Variants in CUX1 observed in about 807,000 individuals in gnomAD.
The protein encoded by CUX1 is protein CASP.
A neutral mutation model predicts 158.8 loss-of-function variants in CUX1; 31 were observed. The observed-to-expected ratio is 0.20, with a 90% confidence interval of 0.15 to 0.26. The LOEUF is 0.26. Among genes scored for constraint, CUX1 ranks in the 10% least tolerant of loss-of-function variants. The pLI is 1.00. For synonymous variants in CUX1, 879 were observed against 862.1 expected (o/e 1.02, Z -0.34); for missense variants, 1,589 against 2,014.6 (o/e 0.79, Z 4.04).
chr7:102,080,554 C>T (rs530427505), intron 4 of CUX1, among the ~76,000 whole-genome samples: 2 of 152,176 alleles, frequency 1.3e-5, no homozygotes. Context: ...GCCCCCATCG[C>T]CCGCAGAGCG....
intron 11 of CUX1, among the ~76,000 whole-genome samples, chr7:102,178,919 C>T (rs543275978): frequency 3.1e-4 from 47 of 152,312 alleles, no homozygotes; most frequent in Non-Finnish European, 6.0e-4. Flanking sequence ...GGCTAGAGCA[C>T]GGTGGTGCAA....
intron 8 of CUX1, among the ~76,000 whole-genome samples, chr7:102,128,446 G>C (rs1368190376): frequency 6.6e-6 from 1 of 151,116 alleles, no homozygotes; most frequent in Non-Finnish European, 1.5e-5. Context: ...TCAGCCTCTT[G>C]CACTTTCTTG....
At chr7:102,084,999 G>A (rs537908345) in intron 4 of CUX1, among the ~76,000 whole-genome samples, 1 of 150,404 alleles carries the variant, frequency 6.6e-6, no homozygotes, top group East Asian at 2.0e-4. Context: ...AATATCAACT[G>A]TAGATTTTTT....
chr7:101,840,714 T>G (rs1363817048), intron 1 of CUX1, among the ~76,000 whole-genome samples: 1 of 152,178 alleles, frequency 6.6e-6, no homozygotes, highest in East Asian at 1.9e-4. Flanking sequence ...ATGAAATGGG[T>G]AAACATTGTG....
At chr7:102,113,399 G>A (rs566786899) in intron 7 of CUX1, among the ~76,000 whole-genome samples, 6 of 150,420 alleles carry the variant, frequency 4.0e-5, no homozygotes, top group Non-Finnish European at 7.4e-5. Context: ...AGTAGCTGGC[G>A]TTACAGGCGC....
In CUX1 at chr7:102,143,885, C is replaced by G. The variant is rs944929067; in HGVS notation, c.675-14675C>G. On this transcript the variant is annotated intron_variant, in intron 8 of 23. Transcript: ENST00000292535. ...GTAGCCTCCACCTCCTGGGTTCAAG[C>G]CATCCTCCTGTCTCAGCCTCCCGAG... Among the ~76,000 whole-genome samples, 78 of 152,256 alleles carry G rather than the reference C, an allele frequency of 5.1e-4. 1 individual carries two copies. Among genetic ancestry groups the G allele is most frequent in the African/African-American group, 1.8e-3 (75 of 41,554 alleles).
chr7:101,859,626 G>T (rs933016504), intron 1 of CUX1, among the ~76,000 whole-genome samples: 1 of 151,812 alleles, frequency 6.6e-6, no homozygotes, highest in Admixed American at 6.6e-5. Flanking sequence ...ACCGTTTTTT[G>T]CCAGAATGCT....
intron 14 of CUX1, among the ~76,000 whole-genome samples, chr7:102,270,051 C>G (rs1356803146): frequency 1.3e-5 from 2 of 152,360 alleles, no homozygotes; most frequent in African/African-American, 4.8e-5. Flanking sequence ...GTCCACAGCT[C>G]TCTCTCCAGC....
intron 8 of CUX1, among the ~76,000 whole-genome samples, chr7:102,153,118 C>G (rs758011882): frequency 6.6e-6 from 1 of 152,162 alleles, no homozygotes; most frequent in Non-Finnish European, 1.5e-5. Context: ...GGAGATGAGG[C>G]GTGGTTTTCC....
intron 20 of CUX1, among the ~76,000 whole-genome samples, chr7:102,216,629 A>AC (rs1245899579): frequency 1.3e-5 from 1 of 79,056 alleles, no homozygotes. Context: ...CCACACACAC[A>AC]CCCCCACACA....
At chr7:102,119,256 G>T (rs1277660029) in intron 8 of CUX1, among the ~76,000 whole-genome samples, 1 of 149,240 alleles carries the variant, frequency 6.7e-6, no homozygotes, top group African/African-American at 2.5e-5. Flanking sequence ...TTGTCTGTCT[G>T]TCGTGGGGAG....
rs1050869664 is a variant in CUX1 at position 102,249,965 on chromosome 7, T to C, written c.*923T>C. 3 of 985,218 alleles carry C rather than the reference T, an allele frequency of 3.0e-6. No individual in the cohort carries two copies. The highest frequency in any genetic ancestry group is 1.8e-5 in the African/African-American group (1 of 57,030). The allele number at this position is 985,218 out of a possible 1,614,324, so 61.0% of individuals were successfully genotyped here. A position where few individuals can be genotyped will look rare whatever the true frequency, so the allele number is the denominator to read the frequency against. ...TAGAATCCTGACATGTAGTGCACAT[T>C]GATGTATAGCTTTAACTGACCCTGG... On this transcript the variant is annotated 3_prime_UTR_variant, in exon 24 of 24. Coordinates refer to ENST00000292535, the MANE Select transcript of CUX1 (RefSeq NM_181552.4).
At chr7:102,189,267 GTCC>G (rs1389980227) in intron 11 of CUX1, among the ~76,000 whole-genome samples, 1 of 149,840 alleles carries the variant, frequency 6.7e-6, no homozygotes. Context: ...CTCTCCTCCT[GTCC>G]TCCTGTTTGC....
At chr7:102,151,191 C>T (rs190766695) in intron 8 of CUX1, among the ~76,000 whole-genome samples, 61 of 152,198 alleles carry the variant, frequency 4.0e-4, no homozygotes, top group Admixed American at 3.5e-3. Flanking sequence ...TTATTGCAGA[C>T]AGTTTGTCAG....
At chr7:102,101,572 G>A (rs782704789) in intron 5 of CUX1, among the ~76,000 whole-genome samples, 7 of 152,194 alleles carry the variant, frequency 4.6e-5, no homozygotes, top group Non-Finnish European at 7.4e-5. Context: ...TGGAGCAAGC[G>A]TTAGCGTCCA....
intron 1 of CUX1, among the ~76,000 whole-genome samples, chr7:101,901,369 C>T (rs1802120482): frequency 6.6e-6 from 1 of 152,138 alleles, no homozygotes. Flanking sequence ...ACTTGGTTCA[C>T]TGCAACCTCC....
At chr7:102,231,292 A>T (rs1798958737) in intron 21 of CUX1, among the ~76,000 whole-genome samples, 1 of 151,272 alleles carries the variant, frequency 6.6e-6, no homozygotes, top group South Asian at 2.1e-4. Flanking sequence ...AACCTCCCAA[A>T]GTGCTGGGAT....
chr7:101,993,661 A>T (rs1042319009), intron 2 of CUX1, among the ~76,000 whole-genome samples: 10 of 152,206 alleles, frequency 6.6e-5, no homozygotes, highest in Admixed American at 2.0e-4. Context: ...CGGCCTAGCT[A>T]TGTGGCCCCC....
chr7:102,042,494 A>G (rs1029327794), intron 3 of CUX1, among the ~76,000 whole-genome samples: 1 of 152,198 alleles, frequency 6.6e-6, no homozygotes, highest in Non-Finnish European at 1.5e-5. Context: ...ATATTTTTCC[A>G]GCTTCAAAGT....
Sources: allele counts gnomAD v4.1 joint callset (sites outside exome capture counted in the v4.1 genomes callset), GRCh38; gene constraint gnomAD v4.1.1; transcripts MANE v1.5; gene names NCBI Gene and HGNC (gene_info 2026-07-23, HGNC 2026-07-21).